The following PCDH15 variants were observed in gnomAD, a reference collection of about 807,000 sequenced individuals.
PCDH15 encodes protocadherin-15.
PCDH15 carries 129 observed loss-of-function variants against 178.5 expected under a neutral mutation model. That is an observed-to-expected ratio of 0.72 (90% CI 0.63 to 0.84). PCDH15 has a LOEUF of 0.84. Ranked by LOEUF, PCDH15 falls within the 40% of genes least tolerant of loss-of-function variation. The probability of loss-of-function intolerance (pLI) is 0.00; values close to 1 mark genes in which losing one functional copy is unlikely to be tolerated. For missense variants in PCDH15, 2,230 were observed against 2,099.9 expected (o/e 1.06, Z -1.21); for synonymous variants, 800 against 732.0 (o/e 1.09, Z -1.50).
intron 1 of PCDH15, among the ~76,000 whole-genome samples, chr10:54,722,992 G>A (rs1391810812): frequency 6.6e-6 from 1 of 151,302 alleles, no homozygotes; most frequent in Non-Finnish European, 1.5e-5. Context: ...CAGATTCAAT[G>A]CAATGCCTAT....
intron 32 of PCDH15, chr10:53,825,104 G>T: frequency 6.6e-7 from 1 of 1,522,062 alleles, no homozygotes. Flanking sequence ...TTTTTCTAAC[G>T]CTCTTCTATT....
chr10:55,355,691 T>C (rs726198), intron 2 of PCDH15, among the ~76,000 whole-genome samples: 10,818 of 152,028 alleles, frequency 0.071, 560 homozygotes, highest in Non-Finnish European at 0.1. Context: ...TCTCAGTTTG[T>C]AGCTTGTTTC....
intron 21 of PCDH15, among the ~76,000 whole-genome samples, chr10:53,982,287 A>C (rs1762525513): frequency 1.3e-5 from 2 of 152,208 alleles, no homozygotes; most frequent in African/African-American, 2.4e-5. Context: ...CTAGAACTAG[A>C]AATACCATTT....
rs114135927 is a variant in PCDH15 at position 55,403,352 on chromosome 10, A to G, written c.-156+224273T>C. Among the ~76,000 whole-genome samples, 1,201 of 151,886 alleles carry G rather than the reference A, an allele frequency of 7.9e-3. 15 individuals are homozygous for G. The highest frequency in any genetic ancestry group is 0.026 in the African/African-American group (1,079 of 41,494). On this transcript the variant is annotated intron_variant, in intron 2 of 5. Coordinates refer to the PCDH15 transcript ENST00000613346. ...CTTCACTCTGCTGATTGTTTCTGTG[A>G]CTATGCAGAAGCTTTTTAGTTTAAT...
intron 25 of PCDH15, among the ~76,000 whole-genome samples, chr10:53,934,681 A>T (rs192726825): frequency 6.6e-6 from 1 of 152,198 alleles, no homozygotes; most frequent in East Asian, 1.9e-4. Flanking sequence ...AACTGTGCAA[A>T]TGCTATAAAT....
chr10:55,495,244 TACA>T (rs1840505723), intron 2 of PCDH15, among the ~76,000 whole-genome samples: 1 of 151,734 alleles, frequency 6.6e-6, no homozygotes, highest in African/African-American at 2.4e-5. Flanking sequence ...GAATAAAATA[TACA>T]TAAACATATA....
intron 15 of PCDH15, among the ~76,000 whole-genome samples, chr10:54,119,333 G>C (rs895126058): frequency 6.6e-6 from 1 of 151,934 alleles, no homozygotes; most frequent in Non-Finnish European, 1.5e-5. Flanking sequence ...AAAAACTCTT[G>C]AAAAATGTTA....
chr10:54,672,917 G>T (rs960834768), intron 1 of PCDH15, among the ~76,000 whole-genome samples: 2 of 151,994 alleles, frequency 1.3e-5, no homozygotes. Flanking sequence ...TTAAGTAGGT[G>T]ACAGATTTAG....
intron 2 of PCDH15, among the ~76,000 whole-genome samples, chr10:54,968,329 A>T (rs1039221815): frequency 2.6e-5 from 4 of 152,136 alleles, no homozygotes; most frequent in African/African-American, 9.7e-5. Flanking sequence ...ATGTTGTTTC[A>T]TTATTGTTAA....
At chr10:54,220,734 A>G (rs1591258724) in intron 9 of PCDH15, among the ~76,000 whole-genome samples, 1 of 151,924 alleles carries the variant, frequency 6.6e-6, no homozygotes, top group African/African-American at 2.4e-5. Flanking sequence ...CTGACGCAGG[A>G]GAATGGAGTG....
intron 2 of PCDH15, among the ~76,000 whole-genome samples, chr10:55,152,674 C>T (rs1471187755): frequency 6.6e-6 from 1 of 152,124 alleles, no homozygotes; most frequent in African/African-American, 2.4e-5. Flanking sequence ...ATGATGAGAA[C>T]TTGAACTGTG....
At chr10:55,171,987 T>C (rs1839346938) in intron 1 of PCDH15, among the ~76,000 whole-genome samples, 1 of 152,058 alleles carries the variant, frequency 6.6e-6, no homozygotes. Flanking sequence ...CAGAAATATG[T>C]TGGATATTAC....
At chr10:54,454,407 A>T (rs992942453) in intron 3 of PCDH15, among the ~76,000 whole-genome samples, 1 of 147,518 alleles carries the variant, frequency 6.8e-6, no homozygotes, top group Non-Finnish European at 1.5e-5. Flanking sequence ...TATTCAACTG[A>T]TGTTTAATAA....
intron 2 of PCDH15, among the ~76,000 whole-genome samples, chr10:55,437,990 C>T (rs1026123266): frequency 6.6e-6 from 1 of 151,734 alleles, no homozygotes; most frequent in African/African-American, 2.4e-5. Context: ...GCATGTGCCA[C>T]CACGCCGGCT....
chr10:54,205,377 T>G (rs929329365), intron 10 of PCDH15, among the ~76,000 whole-genome samples: 4 of 152,074 alleles, frequency 2.6e-5, no homozygotes, highest in African/African-American at 9.7e-5. Context: ...AATTCATTTA[T>G]GTAAGGGAAT....
chr10:54,602,030 C>T (rs78244090), intron 2 of PCDH15, among the ~76,000 whole-genome samples: 78 of 151,874 alleles, frequency 5.1e-4, no homozygotes, highest in Non-Finnish European at 9.4e-4. Context: ...TAGTTATTAG[C>T]TACTTTGCTT....
At chr10:53,888,427 C>T in intron 26 of PCDH15, among the ~76,000 whole-genome samples, 1 of 141,550 alleles carries the variant, frequency 7.1e-6, no homozygotes, top group Non-Finnish European at 1.5e-5. Context: ...TTACAAATTA[C>T]ATAGGAGTAG....
At chr10:54,353,462 T>A (rs1212104183) in intron 5 of PCDH15, among the ~76,000 whole-genome samples, 1 of 152,132 alleles carries the variant, frequency 6.6e-6, no homozygotes, top group Non-Finnish European at 1.5e-5. Flanking sequence ...CATGAACCCA[T>A]GTAATGAACA....
intron 15 of PCDH15, among the ~76,000 whole-genome samples, chr10:54,129,038 T>C (rs2042209998): frequency 6.6e-6 from 1 of 152,190 alleles, no homozygotes; most frequent in South Asian, 2.1e-4. Flanking sequence ...ACTGATTTAT[T>C]AATCAAAGGG....
Sources: allele counts gnomAD v4.1 joint callset (sites outside exome capture counted in the v4.1 genomes callset), GRCh38; gene constraint gnomAD v4.1.1; transcripts MANE v1.5; gene names NCBI Gene and HGNC (gene_info 2026-07-23, HGNC 2026-07-21).